RAB27B: variants seen among roughly 807,000 people sequenced by gnomAD.
RAB27B encodes ras-related protein Rab-27B.
RAB27B carries 15 observed loss-of-function variants against 24.6 expected under a neutral mutation model. The observed-to-expected ratio is 0.61, with a 90% confidence interval of 0.41 to 0.94. The LOEUF (loss-of-function observed/expected upper bound fraction) is 0.94, where lower values mean the gene tolerates loss of function less well. Among genes scored for constraint, RAB27B ranks in the 40% least tolerant of loss-of-function variants. RAB27B has a pLI of 0.00. For synonymous variants in RAB27B, 105 were observed against 92.5 expected, an observed-to-expected ratio of 1.14 and a Z score of -0.78; for missense variants, 261 against 266.8, an observed-to-expected ratio of 0.98 and a Z score of 0.15.
chr18:54,792,054 G>A (rs766434510), intron 2 of RAB27B, among the ~76,000 whole-genome samples: 22 of 152,158 alleles, frequency 1.4e-4, no homozygotes, highest in Admixed American at 3.9e-4. Context: ...CAAGAACTGG[G>A]GATACAGAAA....
chr18:54,778,860 T>A (rs1049470644), intron 2 of RAB27B, among the ~76,000 whole-genome samples: 1 of 151,886 alleles, frequency 6.6e-6, no homozygotes, highest in Non-Finnish European at 1.5e-5. Context: ...TTTTTTTTCT[T>A]AGACAGAGTC....
chr18:54,765,709 CCTT>C (rs1190274839), intron 2 of RAB27B, among the ~76,000 whole-genome samples: 3 of 152,126 alleles, frequency 2.0e-5, no homozygotes, highest in Non-Finnish European at 4.4e-5. Flanking sequence ...TCTTATATCT[CCTT>C]CTTCCTTTCC....
rs1207866699 is a variant in RAB27B at position 54,891,809 on chromosome 18, A to G, written c.*2396A>G. ...TGAAGCAGAGGTTGATGATGCCCAT[A>G]ATTGCAAGACTATTCCTGTAAAAAT... is the stretch of plus-strand genomic sequence containing the variant. On this transcript the variant is annotated 3_prime_UTR_variant, in exon 6 of 6. Coordinates refer to ENST00000262094, the MANE Select transcript of RAB27B (RefSeq NM_004163.4). 6.6e-6 allele frequency: 1 copy of G among 152,084 alleles called. No homozygotes were observed. Among genetic ancestry groups the G allele is most frequent in the Non-Finnish European group, 1.5e-5 (1 of 67,992 alleles). The allele number at this position is 152,084 out of a possible 1,614,324, so 9.4% of individuals were successfully genotyped here. A position where few individuals can be genotyped will look rare whatever the true frequency, so the allele number is the denominator to read the frequency against.
intron 2 of RAB27B, 37 bp downstream of exon 2, chr18:54,877,775 T>A (rs1416388129): frequency 1.3e-6 from 2 of 1,519,056 alleles, no homozygotes. Flanking sequence ...TTGTCACTCA[T>A]CCCCCTATAT....
At chr18:54,767,051 A>G (rs1908385261) in intron 2 of RAB27B, among the ~76,000 whole-genome samples, 1 of 152,152 alleles carries the variant, frequency 6.6e-6, no homozygotes, top group Non-Finnish European at 1.5e-5. Flanking sequence ...ATTGATCACA[A>G]ATTTGAGTTC....
chr18:54,844,408 C>CTTTTTTTTTT (rs148747981), intron 1 of RAB27B, among the ~76,000 whole-genome samples: 13 of 107,878 alleles, frequency 1.2e-4, no homozygotes, highest in African/African-American at 3.7e-4. Flanking sequence ...CTTTTCTTTT[C>CTTTTTTTTTT]TTTTTTTTTT....
At position 54,890,463 on chromosome 18, in the gene RAB27B, T is replaced by C. The variant is rs946221102; in HGVS notation, c.*1050T>C. The C allele has an allele frequency of 6.6e-5, 10 of 152,166 alleles. No individual in the cohort carries two copies. The highest frequency in any genetic ancestry group is 1.2e-4 in the Non-Finnish European group (8 of 68,010). 9.4% of individuals were successfully genotyped at this position (152,166 alleles called of 1,614,324 possible). A position where few individuals can be genotyped will look rare whatever the true frequency, so the allele number is the denominator to read the frequency against. The stretch of plus-strand genomic sequence containing the variant: ...GTGATATGAAACAAAAAGTGGCAAT[T>C]ATTGCAGGTTTCCTTTTAGTTTACA... On this transcript the variant is annotated 3_prime_UTR_variant, in exon 6 of 6. Coordinates refer to ENST00000262094, the MANE Select transcript of RAB27B (RefSeq NM_004163.4).
At chr18:54,784,703 T>C (rs919864544) in intron 2 of RAB27B, among the ~76,000 whole-genome samples, 6 of 152,200 alleles carry the variant, frequency 3.9e-5, no homozygotes, top group African/African-American at 1.4e-4. Context: ...AAAATTTTTA[T>C]CCAATCCACT....
In RAB27B at chr18:54,890,352, A is replaced by G. The variant is rs1321531370; in HGVS notation, c.*939A>G. 2 of 152,180 alleles carry G rather than the reference A, an allele frequency of 1.3e-5. No individual in the cohort carries two copies. Among genetic ancestry groups the G allele is most frequent in the Non-Finnish European group, 1.5e-5 (1 of 68,016 alleles). 9.4% of individuals were successfully genotyped at this position (152,180 alleles called of 1,614,324 possible). A position where few individuals can be genotyped will look rare whatever the true frequency, so the allele number is the denominator to read the frequency against. On this transcript the variant is annotated 3_prime_UTR_variant, in exon 6 of 6. Transcript: ENST00000262094. ...ATGTTGATAAAATAGTCACAAGGAG[A>G]AATTACCAGTTACGGTTTATTAAAT...
At position 54,741,914 on chromosome 18, in the gene RAB27B, T is replaced by G. The variant is rs147335573; in HGVS notation, c.-20+23773T>G. On this transcript the variant is annotated intron_variant, in intron 2 of 4. Coordinates refer to the RAB27B transcript ENST00000586570. ...AAGGCCTCTATAATATCTGAAGACA[T>G]AGTCTAGAGTTAAATACTTGCAAAA... is the stretch of plus-strand genomic sequence containing the variant. 4.1e-3 allele frequency among the ~76,000 whole-genome samples: 621 copies of G among 152,314 alleles called. 8 individuals carry two copies. The highest frequency in any genetic ancestry group is 0.028 in the South Asian group (137 of 4,828).
intron 2 of RAB27B, among the ~76,000 whole-genome samples, chr18:54,785,458 T>TTTC (rs1555656063): frequency 6.8e-6 from 1 of 147,466 alleles, no homozygotes. Context: ...TTTTTTTTTT[T>TTTC]CCAAAATGCC....
chr18:54,757,389 A>G (rs537566723), intron 2 of RAB27B, among the ~76,000 whole-genome samples: 21 of 152,344 alleles, frequency 1.4e-4, no homozygotes, highest in Admixed American at 3.9e-4. Context: ...TTGGACATCA[A>G]TTAGAAGACT....
At chr18:54,809,667 C>CT (rs1909902416) in intron 2 of RAB27B, among the ~76,000 whole-genome samples, 1 of 152,274 alleles carries the variant, frequency 6.6e-6, no homozygotes, top group East Asian at 1.9e-4. Flanking sequence ...TTAGGAAATG[C>CT]TTTAGTTAAG....
intron 2 of RAB27B, among the ~76,000 whole-genome samples, chr18:54,781,687 A>G (rs1021048189): frequency 1.3e-5 from 2 of 152,158 alleles, no homozygotes; most frequent in Non-Finnish European, 2.9e-5. Context: ...GTCCACAGGC[A>G]CCATGTTACT....
chr18:54,737,389 T>C (rs542585833), intron 2 of RAB27B, among the ~76,000 whole-genome samples: 12 of 152,302 alleles, frequency 7.9e-5, no homozygotes, highest in African/African-American at 2.9e-4. Context: ...TTATAGGCCA[T>C]CTACATTAAG....
chr18:54,877,826 T>G (rs1912769048), intron 2 of RAB27B, 88 bp downstream of exon 2: 3 of 1,334,758 alleles, frequency 2.2e-6, no homozygotes, highest in Non-Finnish European at 3.0e-6. Context: ...CATTGGAGTC[T>G]GTCTTTTGTC....
intron 2 of RAB27B, among the ~76,000 whole-genome samples, chr18:54,795,685 A>G (rs1234691368): frequency 6.6e-6 from 1 of 152,130 alleles, no homozygotes; most frequent in African/African-American, 2.4e-5. Flanking sequence ...AGATAAAACA[A>G]ACTTAAGTTT....
At chr18:54,837,785 T>A in intron 1 of RAB27B, among the ~76,000 whole-genome samples, 1 of 152,270 alleles carries the variant, frequency 6.6e-6, no homozygotes. Context: ...ATTATATATA[T>A]GTGTGTATAT....
At chr18:54,829,121 A>G (rs1457708209) in intron 1 of RAB27B, among the ~76,000 whole-genome samples, 2 of 152,192 alleles carry the variant, frequency 1.3e-5, no homozygotes, top group Non-Finnish European at 2.9e-5. Flanking sequence ...AAGCCAGGAG[A>G]GCAATAAGAC....
Sources: gnomAD v4.1 joint callset for allele counts (sites outside exome capture counted in the v4.1 genomes callset) on GRCh38, gnomAD v4.1.1 for gene constraint, MANE v1.5 for transcripts, NCBI Gene and HGNC (gene_info 2026-07-23, HGNC 2026-07-21) for gene names.